PCDHGB3: variants seen among roughly 807,000 people sequenced by gnomAD.
PCDHGB3 encodes protocadherin gamma subfamily B, 3, also known as protocadherin gamma-B3.
PCDHGB3 carries 40 observed loss-of-function variants against 59.2 expected under a neutral mutation model. The ratio of observed to expected loss-of-function variants is 0.68; its 90% CI spans 0.52 to 0.88. The LOEUF (loss-of-function observed/expected upper bound fraction) is 0.88, where lower values mean the gene tolerates loss of function less well. Among genes scored for constraint, PCDHGB3 ranks in the 40% least tolerant of loss-of-function variants. The probability of loss-of-function intolerance (pLI) is 0.00; values close to 1 mark genes in which losing one functional copy is unlikely to be tolerated. For synonymous variants in PCDHGB3, 581 were observed against 503.6 expected (o/e 1.15, Z -2.06); for missense variants, 1,309 against 1,187.9 (o/e 1.10, Z -1.50).
chr5:141,490,584 T>G lies in PCDHGB3; in HGVS notation c.2416-4223T>G, dbSNP rs751060540. 1 of 1,614,170 alleles carries G rather than the reference T, an allele frequency of 6.2e-7. No individual in the cohort carries two copies. Among genetic ancestry groups the G allele is most frequent in the South Asian group, 1.1e-5 (1 of 91,080 alleles). ...TCAGGCTCAACATTTCAGATGTCAA[T>G]GACAATGCACCCCGCTTCAACCAGC... On this transcript the variant is annotated intron_variant, in intron 1 of 3. Transcript: ENST00000576222. This position sits in a 1 kb window ranked among gnomAD's most constrained non-coding sequence, Gnocchi z 5.4.
At position 141,423,457 on chromosome 5, in the gene PCDHGB3, G is replaced by A. The variant is rs148481587; in HGVS notation, c.2415+50648G>A. 6.9e-5 allele frequency: 111 copies of A among 1,614,010 alleles called. 2 individuals carry two copies. The South Asian group carries it at 9.3e-4, about 14-fold the overall frequency. ...TATGCCCACGTCACATTTTGTAGGC[G>A]TGGACGGGGTACAGGCTTTCCTGCA... On this transcript the variant is annotated intron_variant, in intron 1 of 3. Coordinates refer to ENST00000576222, the MANE Select transcript of PCDHGB3 (RefSeq NM_018924.5).
chr5:141,394,534 G>T (rs751746485), intron 1 of PCDHGB3: 2 of 1,614,074 alleles, frequency 1.2e-6, no homozygotes, highest in Non-Finnish European at 1.7e-6. Flanking sequence ...GGTTCCACTG[G>T]CGTGGAGCTG....
At chr5:141,395,535 C>T in intron 1 of PCDHGB3, 1 of 331,902 alleles carries the variant, frequency 3.0e-6, no homozygotes, top group Non-Finnish European at 5.4e-6. Flanking sequence ...GGTAATTTTG[C>T]TATTGTTTGT....
chr5:141,457,054 T>C (rs1410535170), intron 1 of PCDHGB3, among the ~76,000 whole-genome samples: 1 of 152,242 alleles, frequency 6.6e-6, no homozygotes, highest in Non-Finnish European at 1.5e-5. Context: ...ACTTTCATGC[T>C]TCCTTTTTGC....
At chr5:141,447,549 A>T (rs1387130901) in intron 1 of PCDHGB3, among the ~76,000 whole-genome samples, 1 of 152,216 alleles carries the variant, frequency 6.6e-6, no homozygotes, top group Non-Finnish European at 1.5e-5. Context: ...TAATGTTATG[A>T]GTACACTTGG....
At chr5:141,421,875 A>C (rs1345376105) in intron 1 of PCDHGB3, 2 of 1,613,648 alleles carry the variant, frequency 1.2e-6, no homozygotes, top group South Asian at 2.2e-5. Flanking sequence ...TCACAGCTTT[A>C]GATGGAGGCG....
intron 1 of PCDHGB3, among the ~76,000 whole-genome samples, chr5:141,380,852 C>T (rs1429709070): frequency 1.3e-5 from 2 of 152,300 alleles, no homozygotes; most frequent in African/African-American, 4.8e-5. Flanking sequence ...TGGATCAAGA[C>T]ATTGAGAGCT....
chr5:141,386,918 A>G (rs758924740), intron 1 of PCDHGB3, among the ~76,000 whole-genome samples: 8 of 152,206 alleles, frequency 5.3e-5, no homozygotes, highest in Non-Finnish European at 1.2e-4. Context: ...CAAGGAATGT[A>G]AAATAAGTGC....
chr5:141,466,147 G>A (rs2099117729), intron 1 of PCDHGB3, among the ~76,000 whole-genome samples: 1 of 151,722 alleles, frequency 6.6e-6, no homozygotes, highest in South Asian at 2.1e-4. Flanking sequence ...TGAAAACTCT[G>A]GTCTTAAACT....
intron 1 of PCDHGB3, chr5:141,413,182 G>A (rs752788034): frequency 6.2e-7 from 1 of 1,604,164 alleles, no homozygotes; most frequent in Non-Finnish European, 8.5e-7. Context: ...TACAATGGCC[G>A]CTCAAAGGAA....
Position 141,485,967 on chromosome 5 carries a change from A to G in PCDHGB3, c.2416-8840A>G, listed in dbSNP as rs751904053. 2.5e-6 allele frequency: 4 copies of G among 1,614,194 alleles called. No individual in the cohort carries two copies. The South Asian group carries it at 4.4e-5, about 18-fold the overall frequency. On this transcript the variant is annotated intron_variant, in intron 1 of 3. Transcript: ENST00000576222. This position sits in a 1 kb window ranked among gnomAD's most constrained non-coding sequence, Gnocchi z 5.7. The stretch of plus-strand genomic sequence containing the variant: ...GCGGGCATGGTGCTCATCCAGCTCA[A>G]TGCCTCAGACCCGGACCTGGGTCCC...
chr5:141,403,438 T>G (rs759998240), intron 1 of PCDHGB3: 12 of 1,614,054 alleles, frequency 7.4e-6, no homozygotes, highest in Non-Finnish European at 8.5e-6. Flanking sequence ...ATCCGGATGT[T>G]GGCGTGAACT....
chr5:141,478,017 T>C lies in PCDHGB3; in HGVS notation c.2416-16790T>C, dbSNP rs776415195. ...GGTCAAATCAGTACTGCCCGTCCAG[T>C]CCAAGACACAGATTCACCCAGGCAG... On this transcript the variant is annotated intron_variant, in intron 1 of 3. Transcript: ENST00000576222. 15 of 1,613,910 alleles carry C rather than the reference T, an allele frequency of 9.3e-6. No homozygotes were observed. In the African/African-American group the frequency reaches 1.9e-4, roughly 20 times the overall value.
chr5:141,379,766 C>G (rs1325223169), intron 1 of PCDHGB3: 1 of 151,638 alleles, frequency 6.6e-6, no homozygotes, highest in Admixed American at 6.6e-5. Context: ...ACCTGCAATA[C>G]AGATCATTAA....
rs767983504 is a variant in PCDHGB3, at chr5:141,393,225, C to T, written c.2415+20416C>T. On this transcript the variant is annotated intron_variant, in intron 1 of 3. Coordinates refer to ENST00000576222, the MANE Select transcript of PCDHGB3 (RefSeq NM_018924.5). ...TAACCCAAAATTCCAGGTCGAAGATCTAGAAGTAAAAATTAACGAAATCGC... is the reference window on the plus strand; with the variant it reads ...TAACCCAAAATTCCAGGTCGAAGATTTAGAAGTAAAAATTAACGAAATCGC... 7 of 1,613,552 alleles carry T rather than the reference C, an allele frequency of 4.3e-6. No individual in the cohort carries two copies. The South Asian group carries it at 5.5e-5, about 13-fold the overall frequency.
intron 1 of PCDHGB3, among the ~76,000 whole-genome samples, chr5:141,406,812 T>G (rs528041804): frequency 6.6e-6 from 1 of 152,350 alleles, no homozygotes; most frequent in East Asian, 1.9e-4. Context: ...CTCCAACTTT[T>G]GAGTCTAGAA....
intron 1 of PCDHGB3, chr5:141,440,535 G>A (rs1305958587): frequency 1.3e-5 from 2 of 152,154 alleles, no homozygotes; most frequent in East Asian, 1.9e-4. Flanking sequence ...CATGCACCAC[G>A]GTTCAGCAGG....
intron 1 of PCDHGB3, among the ~76,000 whole-genome samples, chr5:141,449,331 G>T (rs1054980032): frequency 3.3e-5 from 5 of 151,950 alleles, no homozygotes; most frequent in Admixed American, 3.3e-4. Flanking sequence ...TGTAGGCCAG[G>T]TGCAGTGGCT....
rs2093099818 is a variant in PCDHGB3 at position 141,394,799 on chromosome 5, A to T, written c.2415+21990A>T. On this transcript the variant is annotated intron_variant, in intron 1 of 3. Transcript: ENST00000576222. The stretch of plus-strand genomic sequence containing the variant: ...TCTCCGCCACTGTCACGCTCACCGT[A>T]GCCGTGGCTGACAGCATCCCCGAAG... 3 of 1,613,690 alleles carry T rather than the reference A, an allele frequency of 1.9e-6. No individual in the cohort carries two copies. The Admixed American group carries it at 5.0e-5, about 27-fold the overall frequency.
Sources: gnomAD v4.1 joint callset for allele counts (sites outside exome capture counted in the v4.1 genomes callset) on GRCh38, gnomAD v4.1.1 for gene constraint, Gnocchi (gnomAD v3.1) non-coding constraint, MANE v1.5 for transcripts, NCBI Gene and HGNC (gene_info 2026-07-23, HGNC 2026-07-21) for gene names.